Variants in CFAP20DC observed in about 807,000 individuals in gnomAD.
CFAP20DC encodes protein CFAP20DC.
A neutral mutation model predicts 101.7 loss-of-function variants in CFAP20DC; 84 were observed. The ratio of observed to expected loss-of-function variants is 0.83; its 90% CI spans 0.69 to 0.99. The LOEUF (loss-of-function observed/expected upper bound fraction) is 0.99. Ranked by LOEUF, CFAP20DC falls within the 50% of genes least tolerant of loss-of-function variation. The pLI is 0.00. For missense variants in CFAP20DC, 1,007 were observed against 970.3 expected, an observed-to-expected ratio of 1.04 and a Z score of -0.50; for synonymous variants, 359 against 351.2, an observed-to-expected ratio of 1.02 and a Z score of -0.25.
At chr3:58,848,515 A>G (rs2077928052) in intron 13 of CFAP20DC, among the ~76,000 whole-genome samples, 1 of 152,186 alleles carries the variant, frequency 6.6e-6, no homozygotes, top group African/African-American at 2.4e-5. Context: ...AATCAATCTG[A>G]TGGACACGAA....
intron 4 of CFAP20DC, among the ~76,000 whole-genome samples, chr3:59,003,020 A>C (rs377177920): frequency 1.4e-3 from 207 of 152,354 alleles, no homozygotes; most frequent in African/African-American, 4.7e-3. Flanking sequence ...TGAATCTAAA[A>C]GACTTATTTT....
chr3:58,935,599 G>C (rs1433461841), intron 5 of CFAP20DC, among the ~76,000 whole-genome samples: 4 of 152,074 alleles, frequency 2.6e-5, no homozygotes, highest in Non-Finnish European at 2.9e-5. Flanking sequence ...GAATAGAACA[G>C]AGCCCTCAGA....
intron 12 of CFAP20DC, among the ~76,000 whole-genome samples, chr3:58,856,469 A>G (rs1309003267): frequency 6.6e-6 from 1 of 152,214 alleles, no homozygotes; most frequent in African/African-American, 2.4e-5. Flanking sequence ...CAATCCCTGC[A>G]TGACCTCAGC....
At chr3:58,752,199 C>G (rs1344081733) in intron 16 of CFAP20DC, among the ~76,000 whole-genome samples, 1 of 152,090 alleles carries the variant, frequency 6.6e-6, no homozygotes, top group East Asian at 1.9e-4. Context: ...ACAAACCACT[C>G]AAGCATATCA....
chr3:58,731,728 T>C (rs2067649287), intron 3 of CFAP20DC, among the ~76,000 whole-genome samples: 1 of 152,224 alleles, frequency 6.6e-6, no homozygotes, highest in African/African-American at 2.4e-5. Flanking sequence ...TCTTTTTAAG[T>C]ATGCGGTACA....
chr3:58,789,727 T>A lies in CFAP20DC; in HGVS notation c.2237+16668A>T, dbSNP rs974705169. ...GGTGATAAATGGATTTTTGAACAGA[T>A]GATGGTAAAATGCTATTTTAAAAAC... is the stretch of plus-strand genomic sequence containing the variant. On this transcript the variant is annotated intron_variant, in intron 15 of 16. Transcript: ENST00000482387. 3.9e-5 allele frequency among the ~76,000 whole-genome samples: 6 copies of A among 152,274 alleles called. No homozygotes were observed. In the East Asian group the frequency reaches 9.6e-4, roughly 24 times the overall value.
chr3:58,773,826 T>C (rs537089662), intron 15 of CFAP20DC, among the ~76,000 whole-genome samples: 20 of 152,320 alleles, frequency 1.3e-4, no homozygotes, highest in African/African-American at 4.6e-4. Context: ...TATTCAATGA[T>C]ATAACTTGAC....
intron 15 of CFAP20DC, among the ~76,000 whole-genome samples, chr3:58,801,958 A>G (rs1274364959): frequency 6.6e-6 from 1 of 152,200 alleles, no homozygotes; most frequent in Non-Finnish European, 1.5e-5. Context: ...ATTATTTTGT[A>G]TATTATATAT....
At chr3:58,755,642 A>C (rs1459777239) in intron 15 of CFAP20DC, among the ~76,000 whole-genome samples, 1 of 152,186 alleles carries the variant, frequency 6.6e-6, no homozygotes, top group Non-Finnish European at 1.5e-5. Context: ...TTTCCTTTTC[A>C]GCACTAGCTA....
Position 59,001,144 on chromosome 3 carries a change from G to A in CFAP20DC, c.278+38413C>T, listed in dbSNP as rs62252902. Reference sequence around the variant, plus strand: ...AGCTGAAGCCTGCCAAAGGGAAAGAGAAAGAAAGGAAAGAGACCTAAGAGA... The same window carrying A: ...AGCTGAAGCCTGCCAAAGGGAAAGAAAAAGAAAGGAAAGAGACCTAAGAGA... On this transcript the variant is annotated intron_variant, in intron 4 of 16. Transcript: ENST00000482387. This position sits in a 1 kb window ranked among gnomAD's most constrained non-coding sequence, Gnocchi z 4.5. Among the ~76,000 whole-genome samples the A allele has an allele frequency of 6.6e-6, 1 of 152,126 alleles. No individual in the cohort carries two copies.
At chr3:58,851,753 A>C (rs1218153731) in intron 12 of CFAP20DC, among the ~76,000 whole-genome samples, 2 of 152,148 alleles carry the variant, frequency 1.3e-5, no homozygotes, top group African/African-American at 2.4e-5. Context: ...CTGAAAAAAA[A>C]ACATGCCTCT....
At position 58,721,753 on chromosome 3, in the gene CFAP20DC, G is replaced by A. The variant is rs908174037; in HGVS notation, c.198-4125C>T. ...TTGAATGGGAAGGGATTTTCCCAGAGATTTCTGCCCTGGGATCTCTATTCT... is the reference window on the plus strand; with the variant it reads ...TTGAATGGGAAGGGATTTTCCCAGAAATTTCTGCCCTGGGATCTCTATTCT... On this transcript the variant is annotated intron_variant, in intron 3 of 3. Coordinates refer to the CFAP20DC transcript ENST00000486145. This position sits in a 1 kb window ranked among gnomAD's most constrained non-coding sequence, Gnocchi z 5.2. 2.0e-5 allele frequency among the ~76,000 whole-genome samples: 3 copies of A among 152,240 alleles called. No individual in the cohort carries two copies. Among genetic ancestry groups the A allele is most frequent in the African/African-American group, 7.2e-5 (3 of 41,466 alleles).
rs1370612006 is a variant in CFAP20DC at position 58,890,993 on chromosome 3, C to A, written c.551-6284G>T. On this transcript the variant is annotated intron_variant, in intron 6 of 16. Transcript: ENST00000482387. ...ACATCCCAGACGATGGGCGGCCAGG[C>A]AGAGACACTCCTCACTTCCCAGACG... Among the ~76,000 whole-genome samples the A allele has an allele frequency of 4.8e-5, 7 of 146,856 alleles. No homozygotes were observed. The East Asian group carries it at 6.1e-4, about 13-fold the overall frequency.
intron 13 of CFAP20DC, 136 bp from the exon 14 acceptor site, chr3:58,832,025 T>C (rs2076430715): frequency 1.5e-6 from 1 of 684,136 alleles, no homozygotes; most frequent in South Asian, 1.7e-5. Flanking sequence ...CTCCATGCGC[T>C]ACCTGCCCCA....
chr3:58,856,552 C>A (rs927250924), intron 12 of CFAP20DC, among the ~76,000 whole-genome samples: 5 of 152,144 alleles, frequency 3.3e-5, no homozygotes, highest in African/African-American at 9.7e-5. Flanking sequence ...CCAGTCTGGG[C>A]ACCCTAGGAT....
At chr3:58,947,673 T>C (rs920919792) in intron 4 of CFAP20DC, among the ~76,000 whole-genome samples, 5 of 152,224 alleles carry the variant, frequency 3.3e-5, no homozygotes, top group African/African-American at 9.6e-5. Context: ...AGATATCTCA[T>C]ATACTTGGCT....
rs1163812938 is a variant in CFAP20DC, at chr3:59,007,431, C to T, written c.278+32126G>A. Reference sequence around the variant, plus strand: ...CACCTCCTGGCTGGAGGCCAACCAACTCAAGCCATTACAGCAACTCATGAC... The same window carrying T: ...CACCTCCTGGCTGGAGGCCAACCAATTCAAGCCATTACAGCAACTCATGAC... On this transcript the variant is annotated intron_variant, in intron 4 of 16. Transcript: ENST00000482387. This position sits in a 1 kb window ranked among gnomAD's most constrained non-coding sequence, Gnocchi z 4.4. 6.6e-6 allele frequency among the ~76,000 whole-genome samples: 1 copy of T among 152,218 alleles called. No homozygotes were observed. The highest frequency in any genetic ancestry group is 2.4e-5 in the African/African-American group (1 of 41,454).
intron 12 of CFAP20DC, among the ~76,000 whole-genome samples, chr3:58,860,175 CAAAAAAAA>C (rs10575757): frequency 6.4e-5 from 5 of 78,190 alleles, no homozygotes; most frequent in Non-Finnish European, 1.0e-4. Context: ...AACTCCATCT[CAAAAAAAA>C]AAAAAAAAAA....
At chr3:58,784,851 A>G (rs891395812) in intron 15 of CFAP20DC, among the ~76,000 whole-genome samples, 3 of 152,152 alleles carry the variant, frequency 2.0e-5, no homozygotes, top group African/African-American at 7.2e-5. Context: ...TAGTACAGCC[A>G]CTATGGAAAA....
Sources: gnomAD v4.1 joint callset for allele counts (sites outside exome capture counted in the v4.1 genomes callset) on GRCh38, gnomAD v4.1.1 for gene constraint, Gnocchi (gnomAD v3.1) non-coding constraint, MANE v1.5 for transcripts, NCBI Gene and HGNC (gene_info 2026-07-23, HGNC 2026-07-21) for gene names.